Variants in ZNF12 observed in about 807,000 individuals in gnomAD.
ZNF12 encodes the protein gonadotropin inducible transcription repressor 3.
A neutral mutation model predicts 66.6 loss-of-function variants in ZNF12; 34 were observed. The observed-to-expected ratio is 0.51, with a 90% CI of 0.39 to 0.68. The LOEUF is 0.68. Among genes scored for constraint, ZNF12 ranks in the 30% least tolerant of loss-of-function variants. ZNF12 has a pLI of 0.00. For missense variants in ZNF12, 697 were observed against 826.9 expected (o/e 0.84, Z 1.93); for synonymous variants, 320 against 278.9 (o/e 1.15, Z -1.47).
At position 6,688,856 on chromosome 7, in the gene ZNF12, T is replaced by A. The variant is rs540354669; in HGVS notation, c.*1992A>T. 1 of 152,732 alleles carries A rather than the reference T, an allele frequency of 6.5e-6. No homozygotes were observed. The highest frequency in any genetic ancestry group is 1.5e-5 in the Non-Finnish European group (1 of 68,040). The allele number at this position is 152,732 out of a possible 1,614,324, so 9.5% of individuals were successfully genotyped here. A position where few individuals can be genotyped will look rare whatever the true frequency, so the allele number is the denominator to read the frequency against. On this transcript the variant is annotated 3_prime_UTR_variant, in exon 5 of 5. Transcript: ENST00000405858. The surrounding 1 kb of genome is among the most constrained non-coding windows in gnomAD (Gnocchi z 4.3). ...ATTACCTCCAACAAAATGTATTCCA[T>A]GTATTAGAAAAAAGGAGGTATGCCT...
At chr7:6,701,388 A>T (rs1036416430) in intron 2 of ZNF12, among the ~76,000 whole-genome samples, 1 of 152,208 alleles carries the variant, frequency 6.6e-6, no homozygotes, top group African/African-American at 2.4e-5. Flanking sequence ...GAGCCAAGCA[A>T]GGAGGGAGCT....
At position 6,689,740 on chromosome 7, in the gene ZNF12, C is replaced by G. The variant is rs1780036569; in HGVS notation, c.*1108G>C. On this transcript the variant is annotated 3_prime_UTR_variant, in exon 5 of 5. Coordinates refer to ENST00000405858, the MANE Select transcript of ZNF12 (RefSeq NM_016265.4). ...GAAAGTCACTCGGCAATGTCTGCCA[C>G]AGACCCTTGTTAGAATGTGTTCTTA... 1 of 152,166 alleles carries G rather than the reference C, an allele frequency of 6.6e-6. No homozygotes were observed. Among genetic ancestry groups the G allele is most frequent in the African/African-American group, 2.4e-5 (1 of 41,312 alleles). 9.4% of individuals were successfully genotyped at this position (152,166 alleles called of 1,614,324 possible). A position where few individuals can be genotyped will look rare whatever the true frequency, so the allele number is the denominator to read the frequency against.
rs1029900910 is a variant in ZNF12, at chr7:6,692,705, T to C, written c.239-2A>G. On this transcript the variant is annotated splice_acceptor_variant, in intron 4 of 4. Coordinates refer to ENST00000405858, the MANE Select transcript of ZNF12 (RefSeq NM_016265.4). LOFTEE classifies it high-confidence loss of function. The surrounding 1 kb of genome is among the most constrained non-coding windows in gnomAD (Gnocchi z 5.1). ...GGTCATCAGTTTGCCAGACTTCATC[T>C]AAAGAGAGACAAAATTAATAAACTT... is the stretch of plus-strand genomic sequence containing the variant. 6.4e-7 allele frequency: 1 copy of C among 1,555,462 alleles called. No homozygotes were observed. Among genetic ancestry groups the C allele is most frequent in the Non-Finnish European group, 8.6e-7 (1 of 1,157,382 alleles).
In ZNF12 at chr7:6,690,970, C is replaced by G; in HGVS notation, c.1972G>C (p.Glu658Gln). The G allele has an allele frequency of 6.2e-7, 1 of 1,614,142 alleles. No individual in the cohort carries two copies. The highest frequency in any genetic ancestry group is 8.5e-7 in the Non-Finnish European group (1 of 1,179,996). Reference sequence around the variant, plus strand: ...CATTCAGTACACTCATAGGGTTTCTCTCCTGAATGAGTTCTATAATGTACA... The same window carrying G: ...CATTCAGTACACTCATAGGGTTTCTGTCCTGAATGAGTTCTATAATGTACA... Reference protein sequence around the residue: ...LTVHYRTHSGEKPYECTECGK... With the variant: ...LTVHYRTHSGQKPYECTECGK... The change falls in exon 5 of 5, where the codon GAG (glutamate) becomes CAG (glutamine). Residue 658 changes from glutamate (E) to glutamine (Q), a missense_variant. Glu to Gln is a conservative substitution (Grantham distance 29, BLOSUM62 2). Around this residue, in one of 3 missense-constraint regions of ZNF12, gnomAD observed 401 missense variants for 519.0 expected, o/e 0.77. Transcript: ENST00000405858.
At chr7:6,694,406 CTT>C (rs1364490316) in intron 4 of ZNF12, among the ~76,000 whole-genome samples, 1 of 152,148 alleles carries the variant, frequency 6.6e-6, no homozygotes, top group African/African-American at 2.4e-5. Flanking sequence ...AGAGACAATA[CTT>C]TTCACCACCT....
Position 6,706,894 on chromosome 7 carries a change from G to C in ZNF12, c.-513C>G. ...CGATTCTCGCCCACCGGAGGCCAAA[G>C]CCTGGGAACTAGGGCGAGCGGTGAC... On this transcript the variant is annotated 5_prime_UTR_variant, in exon 1 of 5. Coordinates refer to ENST00000405858, the MANE Select transcript of ZNF12 (RefSeq NM_016265.4). The C allele has an allele frequency of 2.4e-6, 1 of 409,210 alleles. No individual in the cohort carries two copies. The highest frequency in any genetic ancestry group is 4.8e-6 in the Non-Finnish European group (1 of 206,628). 25.3% of individuals were successfully genotyped at this position (409,210 alleles called of 1,614,324 possible).
Position 6,691,376 on chromosome 7 carries a change from T to C in ZNF12, c.1566A>G (p.Glu522=). The part of the protein sequence containing the change: ...HRTHSGVKPY[E]CSECGKTFYQ... The stretch of plus-strand genomic sequence containing the variant: ...AGAAGGTTTTCCCACATTCACTACA[T>C]TCATAGGGTTTTACTCCTGAATGAG... The change falls in exon 5 of 5, where the codon GAA becomes GAG. Residue 522 remains glutamate (E), a synonymous_variant. Transcript: ENST00000405858. 1 of 1,613,890 alleles carries C rather than the reference T, an allele frequency of 6.2e-7. No homozygotes were observed. The highest frequency in any genetic ancestry group is 1.1e-5 in the South Asian group (1 of 91,080).
chr7:6,697,693 A>G lies in ZNF12; in HGVS notation c.134T>C (p.Val45Ala). ...DVMLENYSNL[V>A]SVGYHIIKPD... Reference sequence around the variant, plus strand: ...AAGCAAGCTATCCTCACCCACAGAAACTAGATTGCTGTAGTTCTCCAGCAT... The same window carrying G: ...AAGCAAGCTATCCTCACCCACAGAAGCTAGATTGCTGTAGTTCTCCAGCAT... Residue 45 changes from valine (V) to alanine (A), a missense_variant, in exon 3 of 5, where the codon GTT becomes GCT. Val to Ala is a moderately conservative substitution (Grantham distance 64). Transcript: ENST00000405858. The surrounding 1 kb of genome is among the most constrained non-coding windows in gnomAD (Gnocchi z 6.1). The G allele has an allele frequency of 6.2e-7, 1 of 1,614,064 alleles. No homozygotes were observed. Among genetic ancestry groups the G allele is most frequent in the Non-Finnish European group, 8.5e-7 (1 of 1,179,996 alleles).
intron 1 of ZNF12, 53 bp downstream of exon 1, chr7:6,706,379 C>T (rs1780357349): frequency 2.2e-6 from 1 of 457,894 alleles, no homozygotes. Context: ...GCCCTACACG[C>T]GGTGACTTCA....
chr7:6,705,109 G>A lies in ZNF12; in HGVS notation c.15+50C>T. ...TTTGAACCCTTAATCTCCTCCTAAG[G>A]TGTATTGTAAATCAGAGTAGAGAAT... On this transcript the variant is annotated intron_variant, in intron 2 of 4. Coordinates refer to ENST00000405858, the MANE Select transcript of ZNF12 (RefSeq NM_016265.4). This position sits in a 1 kb window ranked among gnomAD's most constrained non-coding sequence, Gnocchi z 4.0. 1.2e-6 allele frequency: 2 copies of A among 1,602,328 alleles called. No homozygotes were observed. The highest frequency in any genetic ancestry group is 8.5e-7 in the Non-Finnish European group (1 of 1,172,550).
In ZNF12 at chr7:6,696,025, T is replaced by G. The variant is rs1376645784; in HGVS notation, c.238+1314A>C. On this transcript the variant is annotated intron_variant, in intron 4 of 4. Coordinates refer to ENST00000405858, the MANE Select transcript of ZNF12 (RefSeq NM_016265.4). This position sits in a 1 kb window ranked among gnomAD's most constrained non-coding sequence, Gnocchi z 4.0. Reference sequence around the variant, plus strand: ...ACAGGCCTAATATTGTTGAGATCCTTAAGGGACAAGGAATTAAAATTCCCT... The same window carrying G: ...ACAGGCCTAATATTGTTGAGATCCTGAAGGGACAAGGAATTAAAATTCCCT... Among the ~76,000 whole-genome samples, 1 of 152,198 alleles carries G rather than the reference T, an allele frequency of 6.6e-6. No homozygotes were observed. The highest frequency in any genetic ancestry group is 2.4e-5 in the African/African-American group (1 of 41,448).
At position 6,690,211 on chromosome 7, in the gene ZNF12, C is replaced by T. The variant is rs1780043805; in HGVS notation, c.*637G>A. On this transcript the variant is annotated 3_prime_UTR_variant, in exon 5 of 5. Transcript: ENST00000405858. Reference sequence around the variant, plus strand: ...TATTAATGTAGTGCTGTTTAGAATACTCTTACTATATGAATTACAAAATAA... The same window carrying T: ...TATTAATGTAGTGCTGTTTAGAATATTCTTACTATATGAATTACAAAATAA... 1 of 144,772 alleles carries T rather than the reference C, an allele frequency of 6.9e-6. No homozygotes were observed. Among genetic ancestry groups the T allele is most frequent in the African/African-American group, 2.7e-5 (1 of 36,938 alleles). The allele number at this position is 144,772 out of a possible 1,614,324, so 9.0% of individuals were successfully genotyped here.
At position 6,697,517 on chromosome 7, in the gene ZNF12, G is replaced by A; in HGVS notation, c.143-83C>T. ...GTCATACAGGGAAAATTCCATTTGT[G>A]TCTTATCAAAATCAGAACTTTTCAC... On this transcript the variant is annotated intron_variant, in intron 3 of 4. Transcript: ENST00000405858. This position sits in a 1 kb window ranked among gnomAD's most constrained non-coding sequence, Gnocchi z 6.1. 3.3e-6 allele frequency: 5 copies of A among 1,529,748 alleles called. No homozygotes were observed. The highest frequency in any genetic ancestry group is 1.7e-4 in the Middle Eastern group (1 of 5,812). The allele number at this position is 1,529,748 out of a possible 1,614,324, so 94.8% of individuals were successfully genotyped here.
rs1272048310 is a variant in ZNF12, at chr7:6,692,654, T to A, written c.288A>T (p.Glu96Asp). The A allele has an allele frequency of 6.2e-7, 1 of 1,609,464 alleles. No individual in the cohort carries two copies. The highest frequency in any genetic ancestry group is 1.1e-5 in the South Asian group (1 of 89,676). The change falls in exon 5 of 5, where the codon GAA (glutamate) becomes GAT (aspartate). Residue 96 changes from glutamate (E) to aspartate (D), a missense_variant. Physicochemically the swap from Glu to Asp is conservative, Grantham distance 45. Coordinates refer to ENST00000405858, the MANE Select transcript of ZNF12 (RefSeq NM_016265.4). This position sits in a 1 kb window ranked among gnomAD's most constrained non-coding sequence, Gnocchi z 5.1. ...ACACAGTTTGCCTTGAAGGTTTATTTTCCTCTTCCTGGATTCTCTCTATTA... is the reference window on the plus strand; with the variant it reads ...ACACAGTTTGCCTTGAAGGTTTATTATCCTCTTCCTGGATTCTCTCTATTA... Reference protein sequence around the residue: ...DDLIERIQEEENKPSRQTVFI... With the variant: ...DDLIERIQEEDNKPSRQTVFI...
At chr7:6,706,339 G>C (rs1248943779) in intron 1 of ZNF12, 93 bp downstream of exon 1, 2 of 450,564 alleles carry the variant, frequency 4.4e-6, no homozygotes, top group African/African-American at 2.0e-5. Context: ...GCAAGCGATC[G>C]AGACCTTCCA....
rs750108201 is a variant in ZNF12, at chr7:6,692,051, G to A, written c.891C>T (p.Tyr297=). ...HQRTHTGEKP[Y]ECNQCGKSFC... ...AGGATTTCCCACACTGATTACATTC[G>A]TAAGGTTTCTCTCCTGTGTGAGTCC... Residue 297 remains tyrosine, a synonymous_variant, in exon 5 of 5, where the codon TAC becomes TAT. Coordinates refer to ENST00000405858, the MANE Select transcript of ZNF12 (RefSeq NM_016265.4). The surrounding 1 kb of genome is among the most constrained non-coding windows in gnomAD (Gnocchi z 5.1). 21 of 1,611,914 alleles carry A rather than the reference G, an allele frequency of 1.3e-5. No individual in the cohort carries two copies. In the East Asian group the frequency reaches 2.0e-4, roughly 15 times the overall value.
intron 2 of ZNF12, among the ~76,000 whole-genome samples, chr7:6,700,364 G>A (rs145491218): frequency 0.016 from 2,379 of 146,694 alleles, 25 homozygotes; most frequent in Non-Finnish European, 0.025. Flanking sequence ...CCAGGGACAC[G>A]ATCTTGACCA....
Position 6,700,154 on chromosome 7 carries a change from A to G in ZNF12, c.16-2343T>C, listed in dbSNP as rs528051967. Among the ~76,000 whole-genome samples, 522 of 151,786 alleles carry G rather than the reference A, an allele frequency of 3.4e-3. 3 individuals carry two copies. The highest frequency in any genetic ancestry group is 0.014 in the Admixed American group (210 of 15,226). ...CAAAAAATTAGCCGGGCGTGGTGGC[A>G]GGCACCTGTAGTCCCAGCTACTCGG... On this transcript the variant is annotated intron_variant, in intron 2 of 4. Transcript: ENST00000405858.
intron 2 of ZNF12, chr7:6,704,176 A>C (rs1217589962): frequency 6.6e-6 from 1 of 151,932 alleles, no homozygotes; most frequent in Non-Finnish European, 1.5e-5. Context: ...GTCTCTACTA[A>C]AAAAATACAA....
Sources: allele counts gnomAD v4.1 joint callset (sites outside exome capture counted in the v4.1 genomes callset), GRCh38; gene constraint gnomAD v4.1.1; regional missense constraint gnomAD v4.1.1; non-coding constraint Gnocchi (gnomAD v3.1); transcripts MANE v1.5; gene names NCBI Gene and HGNC (gene_info 2026-07-23, HGNC 2026-07-21).